The following AGAP1 variants were observed in gnomAD, a reference collection of about 807,000 sequenced individuals.
AGAP1 encodes the protein ArfGAP with GTPase domain, ankyrin repeat and PH domain 1.
A neutral mutation model predicts 105.3 loss-of-function variants in AGAP1; 29 were observed. The ratio of observed to expected loss-of-function variants is 0.28; its 90% CI spans 0.21 to 0.38. The LOEUF (loss-of-function observed/expected upper bound fraction) is 0.38. Ranked by LOEUF, AGAP1 falls within the 10% of genes least tolerant of loss-of-function variation. AGAP1 has a pLI of 1.00. For synonymous variants in AGAP1, 509 were observed against 485.9 expected, an observed-to-expected ratio of 1.05 and a Z score of -0.63; for missense variants, 998 against 1,165.1, an observed-to-expected ratio of 0.86 and a Z score of 2.09.
intron 9 of AGAP1, among the ~76,000 whole-genome samples, chr2:235,853,495 ACAGT>A (rs1175716577): frequency 6.6e-6 from 1 of 152,176 alleles, no homozygotes; most frequent in Non-Finnish European, 1.5e-5. Flanking sequence ...TTCCTCTTCT[ACAGT>A]CAGTGTTTTA....
chr2:236,035,047 A>G lies in AGAP1; in HGVS notation c.1646-1514A>G, dbSNP rs1444399854. Reference sequence around the variant, plus strand: ...TCCTCACGTCCCAGGCTGCAGGCGCATTGTGAGGAAGGGCCTGGGAGAGCC... The same window carrying G: ...TCCTCACGTCCCAGGCTGCAGGCGCGTTGTGAGGAAGGGCCTGGGAGAGCC... On this transcript the variant is annotated intron_variant, in intron 13 of 17. Coordinates refer to ENST00000304032, the MANE Select transcript of AGAP1 (RefSeq NM_001037131.3). The surrounding 1 kb of genome is among the most constrained non-coding windows in gnomAD (Gnocchi z 4.2). Among the ~76,000 whole-genome samples the G allele has an allele frequency of 6.6e-6, 1 of 152,134 alleles. No individual in the cohort carries two copies.
chr2:235,573,614 ATAGT>A (rs1361628156), intron 1 of AGAP1, among the ~76,000 whole-genome samples: 5 of 152,212 alleles, frequency 3.3e-5, no homozygotes, highest in Non-Finnish European at 5.9e-5. Context: ...TGATGTGATA[ATAGT>A]TAGAAGGAAG....
chr2:235,762,919 G>T (rs1575374727), intron 6 of AGAP1, among the ~76,000 whole-genome samples: 1 of 152,128 alleles, frequency 6.6e-6, no homozygotes, highest in Non-Finnish European at 1.5e-5. Flanking sequence ...CAGTGAGTAC[G>T]TTGGATGTTG....
At chr2:235,985,312 T>C (rs1168381178) in intron 13 of AGAP1, among the ~76,000 whole-genome samples, 2 of 152,200 alleles carry the variant, frequency 1.3e-5, no homozygotes, top group African/African-American at 4.8e-5. Context: ...TTGTTTCTTG[T>C]AAATTTGTTT....
At chr2:235,676,792 A>G (rs1948761205) in intron 1 of AGAP1, among the ~76,000 whole-genome samples, 1 of 152,218 alleles carries the variant, frequency 6.6e-6, no homozygotes, top group Admixed American at 6.5e-5. Flanking sequence ...TTAACTTAAA[A>G]TGATGTCACA....
Position 235,566,310 on chromosome 2 carries a change from C to T in AGAP1, c.163+71461C>T, listed in dbSNP as rs931162013. On this transcript the variant is annotated intron_variant, in intron 1 of 17. Transcript: ENST00000304032. This position sits in a 1 kb window ranked among gnomAD's most constrained non-coding sequence, Gnocchi z 5.2. The stretch of plus-strand genomic sequence containing the variant: ...TTCTCCATGTTTGTCAGGCTGGTCT[C>T]GAACTGCCTTGGCCTCCTAAAGTGT... 1.3e-5 allele frequency among the ~76,000 whole-genome samples: 2 copies of T among 152,130 alleles called. No individual in the cohort carries two copies. Among genetic ancestry groups the T allele is most frequent in the African/African-American group, 4.8e-5 (2 of 41,420 alleles).
At chr2:235,895,412 G>A (rs1346209595) in intron 10 of AGAP1, among the ~76,000 whole-genome samples, 1 of 152,120 alleles carries the variant, frequency 6.6e-6, no homozygotes, top group Non-Finnish European at 1.5e-5. Context: ...TCTCATACTT[G>A]CCATGTTATC....
At chr2:236,043,412 A>G (rs2057616044) in intron 15 of AGAP1, among the ~76,000 whole-genome samples, 1 of 152,174 alleles carries the variant, frequency 6.6e-6, no homozygotes, top group African/African-American at 2.4e-5. Context: ...TGTCTTTGCT[A>G]CCTTTAAAAA....
Position 236,056,217 on chromosome 2 carries a change from C to G in AGAP1, c.2114+6936C>G, listed in dbSNP as rs1460212541. ...TACTTGCATTTGCCTTTGAACCAGACAGACAGAATGGTGCTCTCGGTTTAT... is the reference window on the plus strand; with the variant it reads ...TACTTGCATTTGCCTTTGAACCAGAGAGACAGAATGGTGCTCTCGGTTTAT... On this transcript the variant is annotated intron_variant, in intron 16 of 17. Transcript: ENST00000304032. This position sits in a 1 kb window ranked among gnomAD's most constrained non-coding sequence, Gnocchi z 4.6. Among the ~76,000 whole-genome samples, 1 of 152,178 alleles carries G rather than the reference C, an allele frequency of 6.6e-6. No individual in the cohort carries two copies. Among genetic ancestry groups the G allele is most frequent in the Non-Finnish European group, 1.5e-5 (1 of 68,026 alleles).
chr2:235,781,866 C>A (rs1310712572), intron 6 of AGAP1, among the ~76,000 whole-genome samples: 1 of 151,986 alleles, frequency 6.6e-6, no homozygotes, highest in East Asian at 1.9e-4. Flanking sequence ...TAATGGATGC[C>A]GCTAGTGTAT....
In AGAP1 at chr2:235,817,648, T is replaced by C. The variant is rs1195624917; in HGVS notation, c.1050+10317T>C. 5.9e-5 allele frequency among the ~76,000 whole-genome samples: 9 copies of C among 152,246 alleles called. 1 individual carries two copies. The highest frequency in any genetic ancestry group is 2.2e-4 in the African/African-American group (9 of 41,546). On this transcript the variant is annotated intron_variant, in intron 9 of 17. Transcript: ENST00000304032. ...CGTCATGCCTGTAATCCCAGCACTT[T>C]GGGAGGCCGAGGCAGGCAGATCAGT...
chr2:235,551,710 T>G lies in AGAP1; in HGVS notation c.163+56861T>G, dbSNP rs1045701627. On this transcript the variant is annotated intron_variant, in intron 1 of 17. Coordinates refer to ENST00000304032, the MANE Select transcript of AGAP1 (RefSeq NM_001037131.3). The surrounding 1 kb of genome is among the most constrained non-coding windows in gnomAD (Gnocchi z 4.8). ...TTCCTGCAGGATGTTTGCTGAGCAT[T>G]TGTGAGTGGAGCATCTTTAGGGAAA... Among the ~76,000 whole-genome samples, 5 of 152,184 alleles carry G rather than the reference T, an allele frequency of 3.3e-5. No individual in the cohort carries two copies. The highest frequency in any genetic ancestry group is 7.4e-5 in the Non-Finnish European group (5 of 68,026).
chr2:235,558,991 C>G (rs1944062896), intron 1 of AGAP1, among the ~76,000 whole-genome samples: 1 of 152,014 alleles, frequency 6.6e-6, no homozygotes, highest in Admixed American at 6.6e-5. Flanking sequence ...GGTGTGATCT[C>G]TGCTCACTGC....
chr2:235,861,182 A>G (rs995870997), intron 9 of AGAP1, among the ~76,000 whole-genome samples: 3 of 152,250 alleles, frequency 2.0e-5, no homozygotes, highest in African/African-American at 7.2e-5. Flanking sequence ...TGTCCTGATT[A>G]ACAATCAACT....
rs1430481409 is a variant in AGAP1 at position 235,639,196 on chromosome 2, G to A, written c.164-69983G>A. Among the ~76,000 whole-genome samples, 1 of 152,166 alleles carries A rather than the reference G, an allele frequency of 6.6e-6. No individual in the cohort carries two copies. Among genetic ancestry groups the A allele is most frequent in the Non-Finnish European group, 1.5e-5 (1 of 68,030 alleles). ...TGGCCCACAGGTTGAGAGAGGGGAT[G>A]GGTTCAGCTTTGGCCATGCTGTTGT... On this transcript the variant is annotated intron_variant, in intron 1 of 17. Transcript: ENST00000304032. This position sits in a 1 kb window ranked among gnomAD's most constrained non-coding sequence, Gnocchi z 5.3.
At chr2:235,798,686 T>A (rs1447699588) in intron 7 of AGAP1, among the ~76,000 whole-genome samples, 2 of 151,990 alleles carry the variant, frequency 1.3e-5, no homozygotes, top group Non-Finnish European at 2.9e-5. Flanking sequence ...AAGACCAGCC[T>A]GGGCAACGTG....
In AGAP1 at chr2:236,014,689, C is replaced by A. The variant is rs145754001; in HGVS notation, c.1646-21872C>A. ...ACCCACCCGCTTCGCGCAGACAGCT[C>A]GGAGGCAACGTCACGTGCTACTTTG... On this transcript the variant is annotated intron_variant, in intron 13 of 17. Transcript: ENST00000304032. The surrounding 1 kb of genome is among the most constrained non-coding windows in gnomAD (Gnocchi z 6.3). The A allele has an allele frequency of 5.6e-6, 2 of 358,224 alleles. No individual in the cohort carries two copies. The highest frequency in any genetic ancestry group is 1.1e-5 in the Non-Finnish European group (2 of 175,144). The allele number at this position is 358,224 out of a possible 1,614,324, so 22.2% of individuals were successfully genotyped here.
At chr2:235,685,434 C>T (rs1034073383) in intron 1 of AGAP1, among the ~76,000 whole-genome samples, 8 of 151,412 alleles carry the variant, frequency 5.3e-5, no homozygotes, top group Admixed American at 2.0e-4. Flanking sequence ...GTTAGTCCCA[C>T]GGCCTCTCAT....
chr2:236,044,341 C>A lies in AGAP1; in HGVS notation c.1891+3500C>A, dbSNP rs1040285141. Among the ~76,000 whole-genome samples, 2 of 152,146 alleles carry A rather than the reference C, an allele frequency of 1.3e-5. No homozygotes were observed. The highest frequency in any genetic ancestry group is 4.8e-5 in the African/African-American group (2 of 41,434). ...TCCACACCTGAGGGCCCCTGAGAAT[C>A]CTAGGGCTTGGGACCCTCAGTGGCT... is the stretch of plus-strand genomic sequence containing the variant. On this transcript the variant is annotated intron_variant, in intron 15 of 17. Coordinates refer to ENST00000304032, the MANE Select transcript of AGAP1 (RefSeq NM_001037131.3). The surrounding 1 kb of genome is among the most constrained non-coding windows in gnomAD (Gnocchi z 5.7).
Sources: gnomAD v4.1 joint callset for allele counts (sites outside exome capture counted in the v4.1 genomes callset) on GRCh38, gnomAD v4.1.1 for gene constraint, Gnocchi (gnomAD v3.1) non-coding constraint, MANE v1.5 for transcripts, NCBI Gene and HGNC (gene_info 2026-07-23, HGNC 2026-07-21) for gene names.